CFHR1: variants seen among roughly 807,000 people sequenced by gnomAD.
CFHR1 encodes complement factor H related 1, also known as complement factor H-related protein 1.
In CFHR1, 22 loss-of-function variants were observed where a neutral mutation model predicts 30.4. The observed-to-expected ratio is 0.72, with a 90% CI of 0.52 to 1.03. The LOEUF is 1.03. CFHR1 is among the 50% of genes least tolerant of loss of function. The probability of loss-of-function intolerance (pLI) is 0.00; values close to 1 mark genes in which losing one functional copy is unlikely to be tolerated. For synonymous variants in CFHR1, 95 were observed against 129.1 expected, an observed-to-expected ratio of 0.74 and a Z score of 1.79; for missense variants, 248 against 380.6, an observed-to-expected ratio of 0.65 and a Z score of 2.90.
At position 196,822,711 on chromosome 1, in the gene CFHR1, G is replaced by T. The variant is rs927479239; in HGVS notation, c.59-2766G>T. On this transcript the variant is annotated intron_variant, in intron 1 of 5. Transcript: ENST00000320493. Reference sequence around the variant, plus strand: ...GTTTCTTCTAGAATAGTTCCTGAAGGACCTGCCTCAGGAAACATTAACTGT... The same window carrying T: ...GTTTCTTCTAGAATAGTTCCTGAAGTACCTGCCTCAGGAAACATTAACTGT... Among the ~76,000 whole-genome samples the T allele has an allele frequency of 6.7e-5, 9 of 134,028 alleles. 3 individuals carry two copies. Among genetic ancestry groups the T allele is most frequent in the African/African-American group, 2.9e-4 (9 of 31,132 alleles). The allele number at this position is 134,028 out of a possible 152,430, so 87.9% of individuals were successfully genotyped here.
At chr1:196,829,193 C>T (rs1655452652) in intron 4 of CFHR1, among the ~76,000 whole-genome samples, 1 of 134,546 alleles carries the variant, frequency 7.4e-6, no homozygotes, top group South Asian at 2.6e-4. Context: ...TCTACTGGCA[C>T]TGACATTTAA....
chr1:196,828,536 T>C (rs1558215145), intron 4 of CFHR1, among the ~76,000 whole-genome samples: 1 of 132,178 alleles, frequency 7.6e-6, no homozygotes, highest in East Asian at 2.0e-4. Flanking sequence ...AGATACATTA[T>C]GTGCATTTGA....
intron 1 of CFHR1, chr1:196,821,299 T>TG (rs1655111502): frequency 2.5e-5 from 3 of 120,314 alleles, no homozygotes; most frequent in South Asian, 6.0e-4. Context: ...GATTTCTAAA[T>TG]AGGGGGGTAG....
intron 1 of CFHR1, chr1:196,820,928 C>T (rs1219300896): frequency 7.5e-6 from 1 of 133,468 alleles, no homozygotes; most frequent in Non-Finnish European, 1.5e-5. Context: ...CAACTTCCAT[C>T]TCCTGGGTTC....
intron 5 of CFHR1, among the ~76,000 whole-genome samples, chr1:196,831,048 C>T (rs1410908665): frequency 3.7e-5 from 5 of 134,664 alleles, no homozygotes; most frequent in Admixed American, 3.6e-4. Flanking sequence ...AGGAAAATGG[C>T]GGGAACCCGG....
At position 196,822,836 on chromosome 1, in the gene CFHR1, A is replaced by G. The variant is rs1433489985; in HGVS notation, c.59-2641A>G. ...CATTAACCAGTAACACTTCTATATT[A>G]TCATCATCAAGTATTACGTACTGTA... On this transcript the variant is annotated intron_variant, in intron 1 of 5. Coordinates refer to ENST00000320493, the MANE Select transcript of CFHR1 (RefSeq NM_002113.3). Among the ~76,000 whole-genome samples, 4 of 135,544 alleles carry G rather than the reference A, an allele frequency of 3.0e-5. 1 individual carries two copies. Among genetic ancestry groups the G allele is most frequent in the African/African-American group, 9.5e-5 (3 of 31,716 alleles). 88.9% of individuals were successfully genotyped at this position (135,544 alleles called of 152,430 possible).
In CFHR1 at chr1:196,825,352, T is replaced by C. The variant is rs1221762414; in HGVS notation, c.59-125T>C. 4.2e-6 allele frequency: 3 copies of C among 719,354 alleles called. 1 individual carries two copies. The highest frequency in any genetic ancestry group is 2.9e-5 in the East Asian group (1 of 34,726). The allele number at this position is 719,354 out of a possible 1,614,324, so 44.6% of individuals were successfully genotyped here. A position where few individuals can be genotyped will look rare whatever the true frequency, so the allele number is the denominator to read the frequency against. ...TTCCTAATTTGTACACTGGAAAGCA[T>C]TTAAGCTAAAGGCATTTAAGCTAAA... is the stretch of plus-strand genomic sequence containing the variant. On this transcript the variant is annotated intron_variant, in intron 1 of 5. Coordinates refer to ENST00000320493, the MANE Select transcript of CFHR1 (RefSeq NM_002113.3).
Position 196,831,167 on chromosome 1 carries a change from A to C in CFHR1, c.790+485A>C, listed in dbSNP as rs1391388345. Among the ~76,000 whole-genome samples, 4 of 136,188 alleles carry C rather than the reference A, an allele frequency of 2.9e-5. 1 individual carries two copies. Among genetic ancestry groups the C allele is most frequent in the East Asian group, 3.9e-4 (2 of 5,114 alleles). 89.3% of individuals were successfully genotyped at this position (136,188 alleles called of 152,430 possible). A position where few individuals can be genotyped will look rare whatever the true frequency, so the allele number is the denominator to read the frequency against. ...ACACAAAAAAGTAATTTTTCTCTTT[A>C]TATTTATATTTTATTTTAAAGAATT... On this transcript the variant is annotated intron_variant, in intron 5 of 5. Transcript: ENST00000320493.
At chr1:196,821,265 C>A (rs1655110077) in intron 1 of CFHR1, 1 of 128,286 alleles carries the variant, frequency 7.8e-6, no homozygotes, top group African/African-American at 3.6e-5. Context: ...GCTTATACAC[C>A]TATTACACAT....
At chr1:196,826,794 TC>T in intron 2 of CFHR1, 34 bp from the exon 3 acceptor site, 1 of 1,477,812 alleles carries the variant, frequency 6.8e-7, no homozygotes, top group South Asian at 1.3e-5. Flanking sequence ...CTTTGCTACT[TC>T]CATCTTGTAC....
chr1:196,827,195 C>G (rs1205761640), intron 3 of CFHR1, among the ~76,000 whole-genome samples, 190 bp downstream of exon 3: 2 of 135,858 alleles, frequency 1.5e-5, no homozygotes, highest in Non-Finnish European at 3.1e-5. Context: ...CAAATGTTCT[C>G]AAAGTGTGGT....
Position 196,828,527 on chromosome 1 carries a change from G to A in CFHR1, c.607+281G>A, listed in dbSNP as rs1002918286. Among the ~76,000 whole-genome samples, 17 of 131,960 alleles carry A rather than the reference G, an allele frequency of 1.3e-4. 4 individuals are homozygous for A. The highest frequency in any genetic ancestry group is 5.3e-4 in the African/African-American group (16 of 30,236). 86.6% of individuals were successfully genotyped at this position (131,960 alleles called of 152,430 possible). ...CTTCTCAGGAATACGTGTAATAAAA[G>A]ATACATTATGTGCATTTGACAGCCA... On this transcript the variant is annotated intron_variant, in intron 4 of 5. Coordinates refer to ENST00000320493, the MANE Select transcript of CFHR1 (RefSeq NM_002113.3).
In CFHR1 at chr1:196,823,664, A is replaced by C. The variant is rs1488916387; in HGVS notation, c.59-1813A>C. 5.1e-5 allele frequency among the ~76,000 whole-genome samples: 7 copies of C among 136,148 alleles called. 1 individual carries two copies. Among genetic ancestry groups the C allele is most frequent in the Non-Finnish European group, 9.3e-5 (6 of 64,554 alleles). 89.3% of individuals were successfully genotyped at this position (136,148 alleles called of 152,430 possible). Reference sequence around the variant, plus strand: ...CTGCACACATCTTTCAAATAAGGTGAAAAATAAAATTATTTCTTATGCAGC... The same window carrying C: ...CTGCACACATCTTTCAAATAAGGTGCAAAATAAAATTATTTCTTATGCAGC... On this transcript the variant is annotated intron_variant, in intron 1 of 5. Coordinates refer to ENST00000320493, the MANE Select transcript of CFHR1 (RefSeq NM_002113.3).
chr1:196,824,849 TACA>T lies in CFHR1; in HGVS notation c.59-624_59-622del, dbSNP rs1405773785. Among the ~76,000 whole-genome samples, 3 of 120,460 alleles carry T rather than the reference TACA, an allele frequency of 2.5e-5. 1 individual carries two copies. Among genetic ancestry groups the T allele is most frequent in the South Asian group, 3.0e-4 (1 of 3,374 alleles). The allele number at this position is 120,460 out of a possible 152,430, so 79.0% of individuals were successfully genotyped here. ...AAATATACAAATACATATTTGTATATACAACATTAACCAGAATTTAGCTCTAAC... is the reference window on the plus strand; with the variant it reads ...AAATATACAAATACATATTTGTATATACATTAACCAGAATTTAGCTCTAAC... On this transcript the variant is annotated intron_variant, in intron 1 of 5. Coordinates refer to ENST00000320493, the MANE Select transcript of CFHR1 (RefSeq NM_002113.3).
Position 196,827,162 on chromosome 1 carries a change from A to G in CFHR1, c.430+157A>G. On this transcript the variant is annotated intron_variant, in intron 3 of 5. Coordinates refer to ENST00000320493, the MANE Select transcript of CFHR1 (RefSeq NM_002113.3). ...TGTGTCCAAGTGGATGTTGAATAAC[A>G]TAGTTTGCCTACCTATATAAATCAA... is the stretch of plus-strand genomic sequence containing the variant. Among the ~76,000 whole-genome samples, 2 of 136,226 alleles carry G rather than the reference A, an allele frequency of 1.5e-5. 1 individual carries two copies. Among genetic ancestry groups the G allele is most frequent in the African/African-American group, 6.2e-5 (2 of 32,020 alleles). The allele number at this position is 136,226 out of a possible 152,430, so 89.4% of individuals were successfully genotyped here.
Position 196,832,154 on chromosome 1 carries a change from T to C in CFHR1, c.*155T>C, listed in dbSNP as rs1275881250. 1.7e-4 allele frequency: 122 copies of C among 735,166 alleles called. 15 individuals are homozygous for C. Among genetic ancestry groups the C allele is most frequent in the Admixed American group, 2.4e-4 (10 of 41,036 alleles). 45.5% of individuals were successfully genotyped at this position (735,166 alleles called of 1,614,324 possible). ...TTATAAGCTGAGACCGGTGGCTCTC[T>C]TCTTAAAAGCACCATATTAAAACTT... is the stretch of plus-strand genomic sequence containing the variant. On this transcript the variant is annotated 3_prime_UTR_variant, in exon 6 of 6. Transcript: ENST00000320493.
Position 196,831,188 on chromosome 1 carries a change from G to T in CFHR1, c.790+506G>T, listed in dbSNP as rs574077360. Among the ~76,000 whole-genome samples, 17 of 135,966 alleles carry T rather than the reference G, an allele frequency of 1.3e-4. 1 individual carries two copies. The highest frequency in any genetic ancestry group is 2.6e-4 in the Non-Finnish European group (17 of 64,456). 89.2% of individuals were successfully genotyped at this position (135,966 alleles called of 152,430 possible). A position where few individuals can be genotyped will look rare whatever the true frequency, so the allele number is the denominator to read the frequency against. Reference sequence around the variant, plus strand: ...CTTTATATTTATATTTTATTTTAAAGAATTTAGTTGATAAATAAAAATATA... The same window carrying T: ...CTTTATATTTATATTTTATTTTAAATAATTTAGTTGATAAATAAAAATATA... On this transcript the variant is annotated intron_variant, in intron 5 of 5. Transcript: ENST00000320493.
intron 1 of CFHR1, among the ~76,000 whole-genome samples, chr1:196,823,705 A>C (rs1010699349): frequency 2.2e-5 from 3 of 135,894 alleles, no homozygotes; most frequent in Non-Finnish European, 4.7e-5. Context: ...TATATTGCAA[A>C]AATATCTTGA....
rs769280099 is a variant in CFHR1, at chr1:196,831,841, G to A, written c.835G>A (p.Ala279Thr). ...SREIMENYNI[A>T]LRWTAKQKLY... ...AGAAATTATGGAAAATTATAACATA[G>A]CATTAAGGTGGACAGCCAAACAGAA... The change falls in exon 6 of 6, where the codon GCA becomes ACA. Residue 279 changes from alanine (A) to threonine (T), a missense_variant. By Grantham distance (58) the Ala-to-Thr change is moderately conservative. This residue lies in a region of CFHR1 where 112 missense variants were observed against 156.4 expected (regional missense o/e 0.72). Coordinates refer to ENST00000320493, the MANE Select transcript of CFHR1 (RefSeq NM_002113.3). The A allele has an allele frequency of 3.3e-6, 5 of 1,524,780 alleles. 1 individual carries two copies. The African/African-American group carries it at 6.9e-5, about 21-fold the overall frequency. 94.5% of individuals were successfully genotyped at this position (1,524,780 alleles called of 1,614,324 possible).
Sources: allele counts gnomAD v4.1 joint callset (sites outside exome capture counted in the v4.1 genomes callset), GRCh38; gene constraint gnomAD v4.1.1; regional missense constraint gnomAD v4.1.1; transcripts MANE v1.5; gene names NCBI Gene and HGNC (gene_info 2026-07-23, HGNC 2026-07-21).